MCFD2: variants seen among roughly 807,000 people sequenced by gnomAD.
The protein encoded by MCFD2 is multiple coagulation factor deficiency 2, ER cargo receptor complex subunit.
A neutral mutation model predicts 12.8 loss-of-function variants in MCFD2; 11 were observed. The ratio of observed to expected loss-of-function variants is 0.86; its 90% CI spans 0.54 to 1.42. The LOEUF (loss-of-function observed/expected upper bound fraction) is 1.42. Ranked by LOEUF, MCFD2 falls within the 40% of genes most tolerant of loss-of-function variation. The pLI, the probability that MCFD2 is intolerant of heterozygous loss-of-function variation, is 0.00. For missense variants in MCFD2, 191 were observed against 178.6 expected (o/e 1.07, Z -0.40); for synonymous variants, 70 against 68.1 (o/e 1.03, Z -0.14).
Position 46,907,923 on chromosome 2 carries a change from C to G in MCFD2, c.196G>C (p.Glu66Gln), listed in dbSNP as rs1412721285. The change falls in exon 3 of 4, where the codon GAG (glutamate) becomes CAG (glutamine). Residue 66 changes from glutamate (E) to glutamine (Q), a missense_variant. Physicochemically the swap from Glu to Gln is conservative, Grantham distance 29. Transcript: ENST00000319466. This position sits in a 1 kb window ranked among gnomAD's most constrained non-coding sequence, Gnocchi z 4.1. The stretch of plus-strand genomic sequence containing the variant: ...AGCTGCAATTCTTGTGGCGACATCT[C>G]CGCCTCTGGTTTGTTGATGACACCT... ...LEGVINKPEA[E>Q]MSPQELQLHY... 63 of 1,614,102 alleles carry G rather than the reference C, an allele frequency of 3.9e-5. No homozygotes were observed. The highest frequency in any genetic ancestry group is 5.1e-5 in the Non-Finnish European group (60 of 1,180,048).
intron 1 of MCFD2, among the ~76,000 whole-genome samples, chr2:46,930,080 A>G (rs1431937855): frequency 6.6e-6 from 1 of 152,174 alleles, no homozygotes; most frequent in Middle Eastern, 3.2e-3. Flanking sequence ...GTTTTTTACT[A>G]TGTATCATAA....
Position 46,941,393 on chromosome 2 carries a change from C to G in MCFD2, c.-8+179G>C. ...TGCTGCTGCTGCTGCTGCCCACCCT[C>G]CGCCGCCCGGGCCCCCGCTGCCGCC... On this transcript the variant is annotated intron_variant, in intron 1 of 2. Transcript: ENST00000409147. This position sits in a 1 kb window ranked among gnomAD's most constrained non-coding sequence, Gnocchi z 4.2. 1.5e-6 allele frequency: 1 copy of G among 662,730 alleles called. No individual in the cohort carries two copies. The highest frequency in any genetic ancestry group is 2.0e-6 in the Non-Finnish European group (1 of 493,384). The allele number at this position is 662,730 out of a possible 1,614,324, so 41.1% of individuals were successfully genotyped here. A position where few individuals can be genotyped will look rare whatever the true frequency, so the allele number is the denominator to read the frequency against.
chr2:46,928,326 AAAG>A (rs1669507128), intron 1 of MCFD2, among the ~76,000 whole-genome samples: 1 of 152,096 alleles, frequency 6.6e-6, no homozygotes, highest in Admixed American at 6.6e-5. Context: ...AAAAAAAGAA[AAAG>A]AACTCCAGGC....
At chr2:46,920,372 C>T (rs1669038324), upstream of MCFD2, among the ~76,000 whole-genome samples, 1 of 151,992 alleles carries the variant, frequency 6.6e-6, no homozygotes, top group Non-Finnish European at 1.5e-5. Flanking sequence ...CTCAATTGCC[C>T]AGGCTGGAGT....
upstream of MCFD2, chr2:46,917,395 T>C (rs1057455183): frequency 1.8e-6 from 1 of 571,260 alleles, no homozygotes; most frequent in African/African-American, 1.9e-5. Context: ...TTCCTCCTTC[T>C]ACCCTGCATC....
At chr2:46,920,199 C>T (rs928991961), upstream of MCFD2, among the ~76,000 whole-genome samples, 8 of 152,292 alleles carry the variant, frequency 5.3e-5, no homozygotes, top group East Asian at 1.9e-4. Flanking sequence ...TACATTAATA[C>T]ATAATGTATG....
rs566779131 is a variant in MCFD2, at chr2:46,910,617, A to T, written c.-6-1440T>A. On this transcript the variant is annotated intron_variant, in intron 1 of 3. Transcript: ENST00000319466. ...ACCCATCCTAAAAGGCTCTCAGGGC[A>T]GAACCCTGAAAGTGTGAGTATGCCA... Among the ~76,000 whole-genome samples the T allele has an allele frequency of 4.4e-4, 67 of 152,344 alleles. 1 individual carries two copies. The highest frequency in any genetic ancestry group is 3.9e-3 in the South Asian group (19 of 4,828).
Position 46,904,183 on chromosome 2 carries a change from A to G in MCFD2, c.*1280T>C, listed in dbSNP as rs1668123199. On this transcript the variant is annotated 3_prime_UTR_variant, in exon 4 of 4. Coordinates refer to ENST00000319466, the MANE Select transcript of MCFD2 (RefSeq NM_139279.6). ...TCAGAAGATGTATGGAAATGCCTCA[A>G]TGCCCAGGCAAACGTTTGCTGCAGG... 6.6e-6 allele frequency: 1 copy of G among 152,310 alleles called. No homozygotes were observed. The highest frequency in any genetic ancestry group is 2.1e-4 in the South Asian group (1 of 4,838). The allele number at this position is 152,310 out of a possible 1,614,324, so 9.4% of individuals were successfully genotyped here. A position where few individuals can be genotyped will look rare whatever the true frequency, so the allele number is the denominator to read the frequency against.
upstream of MCFD2, among the ~76,000 whole-genome samples, chr2:46,919,016 G>C (rs1668959742): frequency 6.6e-6 from 1 of 152,154 alleles, no homozygotes; most frequent in African/African-American, 2.4e-5. Flanking sequence ...AGATAGGACG[G>C]CCATCCCAAG....
intron 1 of MCFD2, among the ~76,000 whole-genome samples, chr2:46,926,091 C>T (rs1453728427): frequency 6.6e-6 from 1 of 152,206 alleles, no homozygotes; most frequent in Non-Finnish European, 1.5e-5. Flanking sequence ...GCTTCCCACC[C>T]TGCCCCCTCA....
rs1668201395 is a variant in MCFD2, at chr2:46,905,795, C to A, written c.310-201G>T. On this transcript the variant is annotated intron_variant, in intron 3 of 3. Coordinates refer to ENST00000319466, the MANE Select transcript of MCFD2 (RefSeq NM_139279.6). ...GGAGTATGGGGCTACTTCTAGGAAT[C>A]TAGATATATAGAGAGAGAATATGTA... 6 of 640,562 alleles carry A rather than the reference C, an allele frequency of 9.4e-6. No individual in the cohort carries two copies. The Admixed American group carries it at 9.8e-5, about 10-fold the overall frequency. 39.7% of individuals were successfully genotyped at this position (640,562 alleles called of 1,614,324 possible).
intron 1 of MCFD2, among the ~76,000 whole-genome samples, chr2:46,935,441 C>T (rs762368240): frequency 5.3e-5 from 8 of 152,180 alleles, no homozygotes; most frequent in Non-Finnish European, 8.8e-5. Flanking sequence ...AAAACAGACC[C>T]CAACACTTCA....
intron 1 of MCFD2, among the ~76,000 whole-genome samples, chr2:46,931,196 G>C (rs563844588): frequency 7.2e-5 from 11 of 152,330 alleles, no homozygotes; most frequent in African/African-American, 2.4e-4. Context: ...GCTCACTGCA[G>C]CTTTCAGCTG....
chr2:46,926,810 G>C (rs1669407468), intron 1 of MCFD2, among the ~76,000 whole-genome samples: 1 of 152,210 alleles, frequency 6.6e-6, no homozygotes, highest in Admixed American at 6.5e-5. Context: ...TCCACAGCTT[G>C]AGACACTGGA....
chr2:46,913,250 T>C lies in MCFD2; in HGVS notation c.-7+2473A>G, dbSNP rs377621248. Reference sequence around the variant, plus strand: ...AAAAAAATTCCTCCAAGTGGTACACTGAAAACAGGGAATCGGGCTGGGCAT... The same window carrying C: ...AAAAAAATTCCTCCAAGTGGTACACCGAAAACAGGGAATCGGGCTGGGCAT... On this transcript the variant is annotated intron_variant, in intron 1 of 3. Coordinates refer to ENST00000319466, the MANE Select transcript of MCFD2 (RefSeq NM_139279.6). Among the ~76,000 whole-genome samples, 98 of 152,230 alleles carry C rather than the reference T, an allele frequency of 6.4e-4. 1 individual carries two copies. The highest frequency in any genetic ancestry group is 1.9e-3 in the African/African-American group (80 of 41,554).
chr2:46,907,693 AG>A lies in MCFD2; in HGVS notation c.309+116del. 1 of 1,116,150 alleles carries A rather than the reference AG, an allele frequency of 9.0e-7. No individual in the cohort carries two copies. Among genetic ancestry groups the A allele is most frequent in the Non-Finnish European group, 1.3e-6 (1 of 743,274 alleles). 69.1% of individuals were successfully genotyped at this position (1,116,150 alleles called of 1,614,324 possible). ...ATTACAGATGCGAGCCATCATGCCC[AG>A]TGGAGAAGCAGCACTCTTGGCACAT... On this transcript the variant is annotated intron_variant, in intron 3 of 3. Transcript: ENST00000319466. This position sits in a 1 kb window ranked among gnomAD's most constrained non-coding sequence, Gnocchi z 4.1.
Position 46,913,318 on chromosome 2 carries a change from C to T in MCFD2, c.-7+2405G>A, listed in dbSNP as rs184965723. 5.3e-5 allele frequency among the ~76,000 whole-genome samples: 8 copies of T among 152,086 alleles called. No individual in the cohort carries two copies. In the East Asian group the frequency reaches 9.6e-4, roughly 18 times the overall value. ...ATCTCAATACTTTGAGAGGCTGAGG[C>T]AAGTGAATCACTTGAGCCCAGGAGT... On this transcript the variant is annotated intron_variant, in intron 1 of 3. Transcript: ENST00000319466.
In MCFD2 at chr2:46,908,755, G is replaced by A. The variant is rs976893768; in HGVS notation, c.149+268C>T. On this transcript the variant is annotated intron_variant, in intron 2 of 3. Coordinates refer to ENST00000319466, the MANE Select transcript of MCFD2 (RefSeq NM_139279.6). The surrounding 1 kb of genome is among the most constrained non-coding windows in gnomAD (Gnocchi z 4.5). Reference sequence around the variant, plus strand: ...CCTGTGTGTCTATTTGTATGTGTGTGTGTCTGTCTGTGGTGAAAAAAAGGA... The same window carrying A: ...CCTGTGTGTCTATTTGTATGTGTGTATGTCTGTCTGTGGTGAAAAAAAGGA... 2 of 513,794 alleles carry A rather than the reference G, an allele frequency of 3.9e-6. No homozygotes were observed. The highest frequency in any genetic ancestry group is 7.1e-6 in the Non-Finnish European group (2 of 282,720). 31.8% of individuals were successfully genotyped at this position (513,794 alleles called of 1,614,324 possible). A position where few individuals can be genotyped will look rare whatever the true frequency, so the allele number is the denominator to read the frequency against.
chr2:46,930,517 T>TTTTG (rs145556823), intron 1 of MCFD2, among the ~76,000 whole-genome samples: 2 of 145,804 alleles, frequency 1.4e-5, no homozygotes, highest in African/African-American at 2.6e-5. Context: ...TTTTTTTTTT[T>TTTTG]AGACAAAGTC....
Sources: allele counts gnomAD v4.1 joint callset (sites outside exome capture counted in the v4.1 genomes callset), GRCh38; gene constraint gnomAD v4.1.1; non-coding constraint Gnocchi (gnomAD v3.1); transcripts MANE v1.5; gene names NCBI Gene and HGNC (gene_info 2026-07-23, HGNC 2026-07-21).